Variants in KCNQ4 observed in about 807,000 individuals in gnomAD.
The protein encoded by KCNQ4 is potassium voltage-gated channel subfamily KQT member 4.
Under a neutral mutation model 72.6 loss-of-function variants are expected in KCNQ4, and 31 were observed. The ratio of observed to expected loss-of-function variants is 0.43; its 90% CI spans 0.32 to 0.58. KCNQ4 has a LOEUF of 0.58. Ranked by LOEUF, KCNQ4 falls within the 20% of genes least tolerant of loss-of-function variation. The pLI is 0.08. For missense variants in KCNQ4, 869 were observed against 962.6 expected, an observed-to-expected ratio of 0.90 and a Z score of 1.29; for synonymous variants, 405 against 403.7, an observed-to-expected ratio of 1.00 and a Z score of -0.04.
At chr1:40,829,168 G>A (rs910537893) in intron 9 of KCNQ4, among the ~76,000 whole-genome samples, 1 of 152,212 alleles carries the variant, frequency 6.6e-6, no homozygotes, top group East Asian at 1.9e-4. Context: ...AAAGTGTCAG[G>A]GCCTTCTCCA....
intron 1 of KCNQ4, among the ~76,000 whole-genome samples, chr1:40,807,481 A>C (rs1647799502): frequency 6.6e-6 from 1 of 152,086 alleles, no homozygotes; most frequent in South Asian, 2.1e-4. Flanking sequence ...CCTTTGCCAT[A>C]TTTAGAATCG....
At chr1:40,810,524 T>C (rs1321136853) in intron 1 of KCNQ4, among the ~76,000 whole-genome samples, 1 of 152,176 alleles carries the variant, frequency 6.6e-6, no homozygotes, top group Admixed American at 6.5e-5. Context: ...AGAGGTCAGG[T>C]GACAACCTCT....
chr1:40,831,394 C>G (rs1238966149), intron 10 of KCNQ4, 90 bp downstream of exon 10: 6 of 1,076,650 alleles, frequency 5.6e-6, no homozygotes, highest in South Asian at 1.4e-5. Context: ...AGATCTGGCT[C>G]GCGTCTCAGC....
In KCNQ4 at chr1:40,822,418, GGTGGGGGTGGGT is replaced by G; in HGVS notation, c.1130+18_1130+29del. 7.1e-7 allele frequency: 1 copy of G among 1,399,802 alleles called. No individual in the cohort carries two copies. The highest frequency in any genetic ancestry group is 1.0e-6 in the Non-Finnish European group (1 of 994,442). The allele number at this position is 1,399,802 out of a possible 1,614,324, so 86.7% of individuals were successfully genotyped here. A position where few individuals can be genotyped will look rare whatever the true frequency, so the allele number is the denominator to read the frequency against. On this transcript the variant is annotated intron_variant, in intron 8 of 13. Transcript: ENST00000347132. ...CATCCTTCAGGTAGGTCCTGCTGGG[GGTGGGGGTGGGT>G]GGGGGGCTGGCAGCAATGCCCTTTG...
chr1:40,797,811 A>G (rs1400477174), intron 1 of KCNQ4, among the ~76,000 whole-genome samples: 2 of 152,164 alleles, frequency 1.3e-5, no homozygotes, highest in Non-Finnish European at 2.9e-5. Context: ...GGGAAAGTTC[A>G]GCTGCTTATG....
intron 1 of KCNQ4, among the ~76,000 whole-genome samples, chr1:40,799,038 G>A (rs1324808127): frequency 6.6e-6 from 1 of 152,266 alleles, no homozygotes; most frequent in Non-Finnish European, 1.5e-5. Context: ...CCTAATCCAA[G>A]GGCTGCAGCC....
intron 1 of KCNQ4, among the ~76,000 whole-genome samples, chr1:40,786,665 G>A (rs879907752): frequency 5.9e-5 from 9 of 152,220 alleles, no homozygotes; most frequent in African/African-American, 1.4e-4. Context: ...TGGGTTGATT[G>A]CTGGGCCTCT....
chr1:40,785,843 G>T (rs11208906), intron 1 of KCNQ4, among the ~76,000 whole-genome samples: 29,823 of 151,958 alleles, frequency 0.2, 3,311 homozygotes, highest in East Asian at 0.28. Flanking sequence ...GGAGGGGCAG[G>T]GGGGGAAGAC....
At chr1:40,828,431 A>G (rs1417828760) in intron 9 of KCNQ4, among the ~76,000 whole-genome samples, 5 of 152,200 alleles carry the variant, frequency 3.3e-5, no homozygotes, top group African/African-American at 1.2e-4. Context: ...TCTACCTACT[A>G]GACATTGCCA....
intron 1 of KCNQ4, among the ~76,000 whole-genome samples, chr1:40,806,996 C>G (rs1647784966): frequency 6.6e-6 from 1 of 152,178 alleles, no homozygotes; most frequent in East Asian, 1.9e-4. Flanking sequence ...CTGGGCGCCA[C>G]AAAGGGGCCG....
rs1381525917 is a variant in KCNQ4 at position 40,822,416 on chromosome 1, G to A, written c.1130+14G>A. ...CCCATCCTTCAGGTAGGTCCTGCTGGGGGTGGGGGTGGGTGGGGGGCTGGC... is the reference window on the plus strand; with the variant it reads ...CCCATCCTTCAGGTAGGTCCTGCTGAGGGTGGGGGTGGGTGGGGGGCTGGC... On this transcript the variant is annotated intron_variant, in intron 8 of 13. Transcript: ENST00000347132. 1.4e-6 allele frequency: 2 copies of A among 1,470,612 alleles called. No individual in the cohort carries two copies. Among genetic ancestry groups the A allele is most frequent in the Non-Finnish European group, 1.9e-6 (2 of 1,055,402 alleles). 91.1% of individuals were successfully genotyped at this position (1,470,612 alleles called of 1,614,324 possible).
intron 1 of KCNQ4, among the ~76,000 whole-genome samples, chr1:40,814,559 C>A (rs1482492613): frequency 6.6e-6 from 1 of 151,854 alleles, no homozygotes; most frequent in Non-Finnish European, 1.5e-5. Flanking sequence ...TAAAAATTAG[C>A]CGGGTGTGGT....
At chr1:40,791,442 G>A (rs528678210) in intron 1 of KCNQ4, among the ~76,000 whole-genome samples, 1 of 152,276 alleles carries the variant, frequency 6.6e-6, no homozygotes, top group Non-Finnish European at 1.5e-5. Flanking sequence ...CTGGAGAAAG[G>A]GTGCTGAGCC....
chr1:40,818,384 C>T, intron 3 of KCNQ4, 94 bp downstream of exon 3: 1 of 1,586,434 alleles, frequency 6.3e-7, no homozygotes, highest in South Asian at 1.1e-5. Flanking sequence ...TGGAGACCCG[C>T]ACAGATTCAG....
Position 40,784,498 on chromosome 1 carries a change from C to A in KCNQ4, c.314+91C>A. On this transcript the variant is annotated intron_variant, in intron 1 of 13. Transcript: ENST00000347132. The surrounding 1 kb of genome is among the most constrained non-coding windows in gnomAD (Gnocchi z 4.1). The stretch of plus-strand genomic sequence containing the variant: ...GCCCCGCCCTGGCTCCGCCTTCTAC[C>A]CCCCTGCCTCAGGGCCGACCCTCAT... 1 of 1,294,402 alleles carries A rather than the reference C, an allele frequency of 7.7e-7. No homozygotes were observed. Among genetic ancestry groups the A allele is most frequent in the Non-Finnish European group, 1.1e-6 (1 of 909,162 alleles). 80.2% of individuals were successfully genotyped at this position (1,294,402 alleles called of 1,614,324 possible). A position where few individuals can be genotyped will look rare whatever the true frequency, so the allele number is the denominator to read the frequency against.
At chr1:40,803,079 A>G (rs1051125107) in intron 1 of KCNQ4, among the ~76,000 whole-genome samples, 7 of 152,280 alleles carry the variant, frequency 4.6e-5, no homozygotes, top group Admixed American at 3.9e-4. Context: ...TCTGCTTATC[A>G]TTATTCAATT....
At chr1:40,834,886 GA>G (rs1648764312) in intron 11 of KCNQ4, 80 bp from the exon 12 acceptor site, 1 of 1,583,058 alleles carries the variant, frequency 6.3e-7, no homozygotes, top group Admixed American at 1.7e-5. Context: ...TGGACAAGGG[GA>G]TAGCAAAGAG....
Position 40,822,359 on chromosome 1 carries a change from A to C in KCNQ4, c.1087A>C (p.Thr363Pro). Residue 363 changes from threonine to proline, a missense_variant, in exon 8 of 14, where the codon ACA becomes CCA. Thr to Pro is a conservative substitution (Grantham distance 38). Around this residue, in one of 5 missense-constraint regions of KCNQ4, gnomAD observed 480 missense variants for 501.9 expected, o/e 0.96. Coordinates refer to ENST00000347132, the MANE Select transcript of KCNQ4 (RefSeq NM_004700.4). Reference protein sequence around the residue: ...YSTDMSRAYLTATWYYYDSIL... With the variant: ...YSTDMSRAYLPATWYYYDSIL... ...CACCGATATGAGCCGGGCCTACCTGACAGCCACCTGGTACTACTATGACAG... is the reference window on the plus strand; with the variant it reads ...CACCGATATGAGCCGGGCCTACCTGCCAGCCACCTGGTACTACTATGACAG... The C allele has an allele frequency of 6.9e-7, 1 of 1,455,346 alleles. No homozygotes were observed. The highest frequency in any genetic ancestry group is 1.1e-5 in the South Asian group (1 of 88,872). 90.2% of individuals were successfully genotyped at this position (1,455,346 alleles called of 1,614,324 possible).
chr1:40,795,662 C>T lies in KCNQ4; in HGVS notation c.314+11255C>T, dbSNP rs75672068. 4.6e-4 allele frequency among the ~76,000 whole-genome samples: 70 copies of T among 152,204 alleles called. No individual in the cohort carries two copies. In the East Asian group the frequency reaches 0.011, roughly 24 times the overall value. Reference sequence around the variant, plus strand: ...CTTTTCACTTGCACTGCTTTGAGCCCTGAGGAAGAGACATATGGGGGAGCG... The same window carrying T: ...CTTTTCACTTGCACTGCTTTGAGCCTTGAGGAAGAGACATATGGGGGAGCG... On this transcript the variant is annotated intron_variant, in intron 1 of 13. Transcript: ENST00000347132.
Sources: gnomAD v4.1 joint callset for allele counts (sites outside exome capture counted in the v4.1 genomes callset) on GRCh38, gnomAD v4.1.1 for gene constraint, gnomAD v4.1.1 regional missense constraint, Gnocchi (gnomAD v3.1) non-coding constraint, MANE v1.5 for transcripts, NCBI Gene and HGNC (gene_info 2026-07-23, HGNC 2026-07-21) for gene names.